Variants in CNTN5 observed in about 807,000 individuals in gnomAD.
CNTN5 encodes contactin 5, also known as contactin-5.
CNTN5 carries 77 observed loss-of-function variants against 129.1 expected under a neutral mutation model. That is an observed-to-expected ratio of 0.60 (90% CI 0.50 to 0.72). CNTN5 has a LOEUF of 0.72. Ranked by LOEUF, CNTN5 falls within the 30% of genes least tolerant of loss-of-function variation. The probability of loss-of-function intolerance (pLI) is 0.00; values close to 1 mark genes in which losing one functional copy is unlikely to be tolerated. For synonymous variants in CNTN5, 509 were observed against 465.6 expected, an observed-to-expected ratio of 1.09 and a Z score of -1.20; for missense variants, 1,478 against 1,328.8, an observed-to-expected ratio of 1.11 and a Z score of -1.75.
rs1319837016 is a variant in CNTN5 at position 99,727,321 on chromosome 11, A to AAAAAAAAAAAAAAAAAAG, written c.56-92210_56-92209insAAAAGAAAAAAAAAAAAA. Among the ~76,000 whole-genome samples the AAAAAAAAAAAAAAAAAAG allele has an allele frequency of 7.3e-4, 90 of 123,454 alleles. 5 individuals carry two copies. Among genetic ancestry groups the AAAAAAAAAAAAAAAAAAG allele is most frequent in the Middle Eastern group, 3.8e-3 (1 of 262 alleles). 81.0% of individuals were successfully genotyped at this position (123,454 alleles called of 152,430 possible). On this transcript the variant is annotated intron_variant, in intron 3 of 24. Transcript: ENST00000524871. Reference sequence around the variant, plus strand: ...GAGCGAGACTCCGTCTCAAAAAAAAAAAAAAAAAAAAAATTCCAGGGCATT... The same window carrying AAAAAAAAAAAAAAAAAAG: ...GAGCGAGACTCCGTCTCAAAAAAAAAAAAAAAAAAAAAAAAAAGAAAAAAAAAAAAATTCCAGGGCATT...
At chr11:99,123,748 T>A (rs180915602) in intron 1 of CNTN5, among the ~76,000 whole-genome samples, 2 of 152,118 alleles carry the variant, frequency 1.3e-5, no homozygotes, top group Admixed American at 1.3e-4. Context: ...GGGGTCCAAT[T>A]TCAATCTTCT....
intron 13 of CNTN5, among the ~76,000 whole-genome samples, chr11:100,187,869 A>T (rs999583036): frequency 3.3e-5 from 5 of 152,214 alleles, no homozygotes; most frequent in Non-Finnish European, 5.9e-5. Flanking sequence ...CATTCTGGAC[A>T]TTGGCCTTGG....
chr11:99,906,784 T>C (rs189674877), intron 6 of CNTN5, among the ~76,000 whole-genome samples: 108 of 152,284 alleles, frequency 7.1e-4, no homozygotes, highest in African/African-American at 2.5e-3. Context: ...TGGGCTTTTT[T>C]TTGGTTGGTA....
chr11:99,320,708 A>C (rs1865532474), intron 1 of CNTN5, among the ~76,000 whole-genome samples: 1 of 152,294 alleles, frequency 6.6e-6, no homozygotes, highest in South Asian at 2.1e-4. Context: ...ATATAGTTGT[A>C]CTGTTTAAGA....
intron 1 of CNTN5, among the ~76,000 whole-genome samples, chr11:99,036,873 G>A (rs10501897): frequency 8.5e-4 from 129 of 151,982 alleles, no homozygotes; most frequent in African/African-American, 3.0e-3. Flanking sequence ...CTACCCATTC[G>A]CCAGTGATGT....
chr11:99,752,729 C>G (rs1434875265), intron 3 of CNTN5, among the ~76,000 whole-genome samples: 5 of 152,094 alleles, frequency 3.3e-5, no homozygotes, highest in Admixed American at 6.5e-5. Flanking sequence ...AACACAGGCC[C>G]CATGGTATTA....
At chr11:100,150,618 T>G (rs1208558918) in intron 13 of CNTN5, among the ~76,000 whole-genome samples, 1 of 151,940 alleles carries the variant, frequency 6.6e-6, no homozygotes, top group Admixed American at 6.6e-5. Context: ...ATTACAAATT[T>G]TTACGGTCAG....
Position 99,995,037 on chromosome 11 carries a change from G to A in CNTN5, c.878-6997G>A, listed in dbSNP as rs751581023. ...AAGAAGTCGTTAAACATTTGTTTTTGGTGACATAATAGTGCTAACCACTCA... is the reference window on the plus strand; with the variant it reads ...AAGAAGTCGTTAAACATTTGTTTTTAGTGACATAATAGTGCTAACCACTCA... On this transcript the variant is annotated intron_variant, in intron 8 of 24. Transcript: ENST00000524871. 1.8e-4 allele frequency among the ~76,000 whole-genome samples: 27 copies of A among 152,258 alleles called. No homozygotes were observed. The East Asian group carries it at 2.9e-3, about 16-fold the overall frequency.
intron 13 of CNTN5, among the ~76,000 whole-genome samples, chr11:100,083,113 C>T (rs1371831940): frequency 6.6e-6 from 1 of 151,832 alleles, no homozygotes; most frequent in African/African-American, 2.4e-5. Flanking sequence ...GTCAGGAGTT[C>T]GAGACCAGCC....
chr11:99,917,391 T>A lies in CNTN5; in HGVS notation c.673+1242T>A, dbSNP rs570303452. On this transcript the variant is annotated intron_variant, in intron 7 of 24. Coordinates refer to ENST00000524871, the MANE Select transcript of CNTN5 (RefSeq NM_014361.4). ...ACAACATCTGTTTTAATTTTTTTAA[T>A]GGATAAGACAAAAATTTTTATTACA... Among the ~76,000 whole-genome samples, 40 of 152,260 alleles carry A rather than the reference T, an allele frequency of 2.6e-4. 1 individual carries two copies. Among genetic ancestry groups the A allele is most frequent in the African/African-American group, 8.4e-4 (35 of 41,564 alleles).
chr11:99,281,515 C>A (rs1017343373), intron 1 of CNTN5, among the ~76,000 whole-genome samples: 2 of 151,948 alleles, frequency 1.3e-5, no homozygotes, highest in Non-Finnish European at 2.9e-5. Context: ...CTGCCTGACC[C>A]TGCTTGTGCA....
At chr11:99,966,553 C>T (rs1287858360) in intron 8 of CNTN5, among the ~76,000 whole-genome samples, 1 of 152,180 alleles carries the variant, frequency 6.6e-6, no homozygotes, top group East Asian at 1.9e-4. Context: ...ATTCTCTTAG[C>T]ACTTAACTCT....
chr11:99,575,997 T>A (rs146502642), intron 3 of CNTN5, among the ~76,000 whole-genome samples: 248 of 152,272 alleles, frequency 1.6e-3, no homozygotes, highest in African/African-American at 5.8e-3. Context: ...GGTGGCCACA[T>A]CACAGCTGCA....
intron 6 of CNTN5, among the ~76,000 whole-genome samples, chr11:99,862,320 C>T (rs1271079182): frequency 6.6e-6 from 1 of 151,466 alleles, no homozygotes; most frequent in Non-Finnish European, 1.5e-5. Flanking sequence ...TCCATTGAAA[C>T]TCTTCGGCCA....
chr11:99,659,164 C>T (rs1318082762), intron 3 of CNTN5, among the ~76,000 whole-genome samples: 1 of 152,038 alleles, frequency 6.6e-6, no homozygotes, highest in African/African-American at 2.4e-5. Flanking sequence ...AAATACCAAG[C>T]TGGCAGCAGC....
chr11:99,650,739 C>T (rs1219388793), intron 3 of CNTN5, among the ~76,000 whole-genome samples: 1 of 151,910 alleles, frequency 6.6e-6, no homozygotes, highest in Non-Finnish European at 1.5e-5. Context: ...AGTAGTTCAA[C>T]ATTCCAATTA....
chr11:99,918,861 A>G (rs1471653032), intron 7 of CNTN5, among the ~76,000 whole-genome samples: 2 of 152,146 alleles, frequency 1.3e-5, no homozygotes, highest in Non-Finnish European at 2.9e-5. Context: ...CCTTATTTAC[A>G]GAGCCCACAT....
At chr11:99,030,788 T>C (rs889905020) in intron 1 of CNTN5, among the ~76,000 whole-genome samples, 2 of 148,214 alleles carry the variant, frequency 1.3e-5, no homozygotes, top group African/African-American at 2.5e-5. Context: ...CTCTTTTTTT[T>C]TTTTTTTTTT....
At chr11:99,215,336 C>G (rs1370859864) in intron 1 of CNTN5, among the ~76,000 whole-genome samples, 1 of 152,118 alleles carries the variant, frequency 6.6e-6, no homozygotes, top group Non-Finnish European at 1.5e-5. Flanking sequence ...AATGAGGAGG[C>G]TGCTGACATA....
Sources: allele counts gnomAD v4.1 joint callset (sites outside exome capture counted in the v4.1 genomes callset), GRCh38; gene constraint gnomAD v4.1.1; transcripts MANE v1.5; gene names NCBI Gene and HGNC (gene_info 2026-07-23, HGNC 2026-07-21).